DOCK1: variants seen among roughly 807,000 people sequenced by gnomAD.
DOCK1 encodes the protein dedicator of cytokinesis 1.
Under a neutral mutation model 262.7 loss-of-function variants are expected in DOCK1, and 138 were observed. That is an observed-to-expected ratio of 0.53 (90% CI 0.46 to 0.61). The LOEUF is 0.61. Among genes scored for constraint, DOCK1 ranks in the 20% least tolerant of loss-of-function variants. The probability of loss-of-function intolerance (pLI) is 0.00; values close to 1 mark genes in which losing one functional copy is unlikely to be tolerated. For synonymous variants in DOCK1, 866 were observed against 867.4 expected, an observed-to-expected ratio of 1.00 and a Z score of 0.03; for missense variants, 1,908 against 2,370.7, an observed-to-expected ratio of 0.80 and a Z score of 4.05.
intron 1 of DOCK1, among the ~76,000 whole-genome samples, chr10:126,957,059 G>T: frequency 6.6e-6 from 1 of 152,326 alleles, no homozygotes; most frequent in Middle Eastern, 3.4e-3. Flanking sequence ...CGGGGAAGGG[G>T]TCTCTGCAAG....
intron 27 of DOCK1, among the ~76,000 whole-genome samples, chr10:127,172,308 C>T (rs2054648860): frequency 6.6e-6 from 1 of 152,122 alleles, no homozygotes; most frequent in Non-Finnish European, 1.5e-5. Flanking sequence ...GCAGTATTTA[C>T]ACCATGGAAA....
Position 127,426,760 on chromosome 10 carries a change from G to A in DOCK1, c.4914+749G>A, listed in dbSNP as rs539807622. ...GAACAAGGGATGCTAGGCTGGGGCAGGAGGCTCTGCTCGGGATGAAGGGCA... is the reference window on the plus strand; with the variant it reads ...GAACAAGGGATGCTAGGCTGGGGCAAGAGGCTCTGCTCGGGATGAAGGGCA... On this transcript the variant is annotated intron_variant, in intron 47 of 51. Coordinates refer to ENST00000623213, the MANE Select transcript of DOCK1 (RefSeq NM_001290223.2). Among the ~76,000 whole-genome samples the A allele has an allele frequency of 2.0e-5, 3 of 152,326 alleles. No homozygotes were observed. In the East Asian group the frequency reaches 5.8e-4, roughly 29 times the overall value.
In DOCK1 at chr10:127,431,776, C is replaced by T. The variant is rs868702929; in HGVS notation, c.4915-1507C>T. Among the ~76,000 whole-genome samples, 20 of 152,300 alleles carry T rather than the reference C, an allele frequency of 1.3e-4. 2 individuals carry two copies. In the Middle Eastern group the frequency reaches 0.017, roughly 130 times the overall value. The stretch of plus-strand genomic sequence containing the variant: ...GGCTGCTTTTGTGCTGTCGTGGCAG[C>T]GCGTGCTAGTTTCCACAGAGACCAT... On this transcript the variant is annotated intron_variant, in intron 47 of 51. Transcript: ENST00000623213.
At chr10:127,359,576 G>T (rs577299548) in intron 32 of DOCK1, among the ~76,000 whole-genome samples, 1 of 152,372 alleles carries the variant, frequency 6.6e-6, no homozygotes, top group South Asian at 2.1e-4. Flanking sequence ...TCAAGAGAAT[G>T]CTTTGCAGCA....
intron 1 of DOCK1, among the ~76,000 whole-genome samples, chr10:126,965,144 T>C (rs2134600094): frequency 6.6e-6 from 1 of 152,004 alleles, no homozygotes; most frequent in Admixed American, 6.6e-5. Context: ...GTACAGGGAG[T>C]TCAGAAGGAA....
chr10:127,360,347 CCAACCCA>C, intron 32 of DOCK1, among the ~76,000 whole-genome samples: 1 of 149,202 alleles, frequency 6.7e-6, no homozygotes, highest in East Asian at 2.0e-4. Context: ...ACAATGGCGG[CCAACCCA>C]CAACTAGCAG....
chr10:127,058,650 C>CATATT (rs2045332539), intron 22 of DOCK1, among the ~76,000 whole-genome samples: 1 of 150,992 alleles, frequency 6.6e-6, no homozygotes, highest in Non-Finnish European at 1.5e-5. Flanking sequence ...GATTTTTAAA[C>CATATT]ATATTATTTG....
At position 126,995,050 on chromosome 10, in the gene DOCK1, G is replaced by A. The variant is rs928782482; in HGVS notation, c.474-1698G>A. Among the ~76,000 whole-genome samples the A allele has an allele frequency of 6.6e-6, 1 of 150,520 alleles. No homozygotes were observed. The highest frequency in any genetic ancestry group is 1.5e-5 in the Non-Finnish European group (1 of 67,658). ...CTCCTCAGTTCCCAGACGGGGTCGT[G>A]GCTGGGCAGAGGCGCTCTTCACATC... On this transcript the variant is annotated intron_variant, in intron 6 of 51. Coordinates refer to ENST00000623213, the MANE Select transcript of DOCK1 (RefSeq NM_001290223.2). The surrounding 1 kb of genome is among the most constrained non-coding windows in gnomAD (Gnocchi z 5.8).
intron 19 of DOCK1, 51 bp downstream of exon 19, chr10:127,037,867 T>A (rs549621668): frequency 4.9e-5 from 53 of 1,073,986 alleles, no homozygotes; most frequent in South Asian, 3.5e-4. Context: ...TTTTTTTTTT[T>A]AATGTATGTT....
chr10:126,971,079 C>A (rs2038071531), intron 2 of DOCK1, among the ~76,000 whole-genome samples: 1 of 147,068 alleles, frequency 6.8e-6, no homozygotes, highest in Admixed American at 7.0e-5. Context: ...GAGACAGAGT[C>A]TTGCTCTGTC....
Position 127,333,310 on chromosome 10 carries a change from C to T in DOCK1, c.3045-5696C>T, listed in dbSNP as rs7080925. On this transcript the variant is annotated intron_variant, in intron 29 of 51. Coordinates refer to ENST00000623213, the MANE Select transcript of DOCK1 (RefSeq NM_001290223.2). ...GGCTGTGCAAGCCCCTGGAAGTTCC[C>T]TGCCTTTCTCCACATTCTCCCTCTG... Among the ~76,000 whole-genome samples the T allele has an allele frequency of 1.8e-3, 272 of 152,276 alleles. 1 individual carries two copies. Among genetic ancestry groups the T allele is most frequent in the African/African-American group, 6.2e-3 (258 of 41,562 alleles).
chr10:127,345,997 C>A (rs2063617441), intron 31 of DOCK1, among the ~76,000 whole-genome samples: 1 of 152,218 alleles, frequency 6.6e-6, no homozygotes, highest in Non-Finnish European at 1.5e-5. Flanking sequence ...GACACACCTC[C>A]TTCAGCACGC....
rs144433422 is a variant in DOCK1, at chr10:127,046,558, A to T, written c.2201+3394A>T. On this transcript the variant is annotated intron_variant, in intron 21 of 51. Coordinates refer to ENST00000623213, the MANE Select transcript of DOCK1 (RefSeq NM_001290223.2). Reference sequence around the variant, plus strand: ...CATTTGAGGTCAGGAGTTCAATACCAGCCTGGCCAACATGGTGAAACCCCA... The same window carrying T: ...CATTTGAGGTCAGGAGTTCAATACCTGCCTGGCCAACATGGTGAAACCCCA... Among the ~76,000 whole-genome samples the T allele has an allele frequency of 7.3e-3, 1,116 of 152,188 alleles. 17 individuals carry two copies. Among genetic ancestry groups the T allele is most frequent in the African/African-American group, 0.025 (1,049 of 41,530 alleles).
Position 127,167,773 on chromosome 10 carries a change from C to T in DOCK1, c.2847+40009C>T, listed in dbSNP as rs191922598. Among the ~76,000 whole-genome samples, 131 of 152,166 alleles carry T rather than the reference C, an allele frequency of 8.6e-4. 1 individual carries two copies. In the East Asian group the frequency reaches 0.019, roughly 22 times the overall value. On this transcript the variant is annotated intron_variant, in intron 27 of 51. Transcript: ENST00000623213. ...TCCTGTCCTTTTCTCTGGAAACCAC[C>T]AAGACAAAGCTTCATGTCTCCATTT... is the stretch of plus-strand genomic sequence containing the variant.
intron 23 of DOCK1, among the ~76,000 whole-genome samples, chr10:127,088,141 G>T (rs1024838762): frequency 2.2e-4 from 34 of 152,214 alleles, no homozygotes; most frequent in Middle Eastern, 3.4e-3. Flanking sequence ...GCCACCAAGG[G>T]CCTCATATTT....
chr10:127,172,766 C>A (rs1301389401), intron 27 of DOCK1, among the ~76,000 whole-genome samples: 1 of 152,070 alleles, frequency 6.6e-6, no homozygotes, highest in African/African-American at 2.4e-5. Flanking sequence ...AAAGTAAAAC[C>A]ATCCTTTGTC....
In DOCK1 at chr10:127,032,165, C is replaced by CCA; in HGVS notation, c.1759_1760dup (p.Tyr588ArgfsTer3). On this transcript the variant is annotated frameshift_variant, in exon 18 of 52. Coordinates refer to ENST00000623213, the MANE Select transcript of DOCK1 (RefSeq NM_001290223.2). LOFTEE classifies it high-confidence loss of function. ...GAAGCAAAGAAGCTGGAAGATGCTG[C>CCA]CACGTACTTGAGTCTGCCCTCCACG... The CCA allele has an allele frequency of 6.3e-7, 1 of 1,596,762 alleles. No individual in the cohort carries two copies. The highest frequency in any genetic ancestry group is 8.5e-7 in the Non-Finnish European group (1 of 1,171,492).
intron 24 of DOCK1, among the ~76,000 whole-genome samples, chr10:127,107,926 G>A (rs914426616): frequency 2.6e-5 from 4 of 152,192 alleles, no homozygotes; most frequent in African/African-American, 9.6e-5. Flanking sequence ...CTTGAGCCGG[G>A]CCTGTCCTCA....
intron 28 of DOCK1, among the ~76,000 whole-genome samples, chr10:127,255,145 A>G (rs1001352254): frequency 3.3e-5 from 5 of 152,180 alleles, no homozygotes; most frequent in African/African-American, 1.2e-4. Context: ...TACACCTGTA[A>G]TCCCAACACT....
Sources: gnomAD v4.1 joint callset for allele counts (sites outside exome capture counted in the v4.1 genomes callset) on GRCh38, gnomAD v4.1.1 for gene constraint, Gnocchi (gnomAD v3.1) non-coding constraint, MANE v1.5 for transcripts, NCBI Gene and HGNC (gene_info 2026-07-23, HGNC 2026-07-21) for gene names.